The following WDR20 variants were observed in gnomAD, a reference collection of about 807,000 sequenced individuals.
WDR20 encodes WD repeat-containing protein 20.
WDR20 carries 3 observed loss-of-function variants against 38.7 expected under a neutral mutation model. The observed-to-expected ratio is 0.08, with a 90% CI of 0.04 to 0.20. The LOEUF is 0.20. Ranked by LOEUF, WDR20 falls within the 10% of genes least tolerant of loss-of-function variation. The probability of loss-of-function intolerance (pLI) is 1.00; values close to 1 mark genes in which losing one functional copy is unlikely to be tolerated. For missense variants in WDR20, 559 were observed against 727.7 expected (o/e 0.77, Z 2.67); for synonymous variants, 298 against 285.6 (o/e 1.04, Z -0.44).
intron 2 of WDR20, chr14:102,197,842 G>A (rs2059663198): frequency 5.7e-6 from 4 of 702,396 alleles, no homozygotes; most frequent in African/African-American, 3.5e-5. Flanking sequence ...TCTAGTAACT[G>A]TCCAGGTGAG....
intron 1 of WDR20, among the ~76,000 whole-genome samples, chr14:102,156,317 A>G (rs2057371071): frequency 6.7e-6 from 1 of 149,992 alleles, no homozygotes. Context: ...ACAGGCACCC[A>G]CCCCCACGTC....
At chr14:102,197,397 G>A (rs2059591403) in intron 2 of WDR20, among the ~76,000 whole-genome samples, 1 of 152,198 alleles carries the variant, frequency 6.6e-6, no homozygotes, top group African/African-American at 2.4e-5. Context: ...TCTTTAGTAT[G>A]CATTTTAAAG....
At chr14:102,147,719 T>C (rs774193168) in intron 1 of WDR20, among the ~76,000 whole-genome samples, 4 of 152,164 alleles carry the variant, frequency 2.6e-5, no homozygotes, top group Non-Finnish European at 4.4e-5. Flanking sequence ...AACCTTGTTT[T>C]ATTTTATTTT....
At chr14:102,205,276 A>T (rs933361341) in intron 2 of WDR20, among the ~76,000 whole-genome samples, 1 of 150,582 alleles carries the variant, frequency 6.6e-6, no homozygotes, top group African/African-American at 2.5e-5. Flanking sequence ...AAAAAAAAAG[A>T]TATGGAATGA....
chr14:102,192,820 T>C (rs376035232), intron 1 of WDR20, among the ~76,000 whole-genome samples: 51 of 152,284 alleles, frequency 3.3e-4, no homozygotes, highest in African/African-American at 1.2e-3. Context: ...CCTAAGTGGT[T>C]GTTGCTGTCA....
At chr14:102,181,252 A>G (rs2063312737) in intron 1 of WDR20, among the ~76,000 whole-genome samples, 1 of 152,154 alleles carries the variant, frequency 6.6e-6, no homozygotes, top group African/African-American at 2.4e-5. Context: ...TCTGTCTGGT[A>G]GTTACTGTCT....
At chr14:102,197,109 C>T (rs1157361020) in intron 2 of WDR20, among the ~76,000 whole-genome samples, 1 of 152,126 alleles carries the variant, frequency 6.6e-6, no homozygotes, top group African/African-American at 2.4e-5. Flanking sequence ...CCTATGGCCT[C>T]TACAGGGAGG....
chr14:102,148,037 C>A (rs1447027861), intron 1 of WDR20, among the ~76,000 whole-genome samples: 2 of 152,104 alleles, frequency 1.3e-5, no homozygotes, highest in East Asian at 3.8e-4. Flanking sequence ...GGCCAAGAAC[C>A]TTGTTTTAAA....
intron 1 of WDR20, among the ~76,000 whole-genome samples, chr14:102,162,530 A>G (rs2058956481): frequency 6.6e-6 from 1 of 152,176 alleles, no homozygotes. Context: ...ATAGTCCTCC[A>G]ACAAGGACTC....
downstream of WDR20, chr14:102,213,048 G>A (rs1418873183): frequency 2.0e-6 from 2 of 990,072 alleles, no homozygotes; most frequent in Non-Finnish European, 2.4e-6. Context: ...CTGGTCCCTG[G>A]GCGGTGTCAG....
Position 102,210,435 on chromosome 14 carries a change from A to G in WDR20, c.*555A>G. 10 of 985,418 alleles carry G rather than the reference A, an allele frequency of 1.0e-5. No individual in the cohort carries two copies. Among genetic ancestry groups the G allele is most frequent in the Non-Finnish European group, 1.2e-5 (10 of 829,910 alleles). The allele number at this position is 985,418 out of a possible 1,614,324, so 61.0% of individuals were successfully genotyped here. ...ATATTATTTTTACATTGTTCTGGCA[A>G]TCCACAGAAAGAGAAGAGCCTTAAT... On this transcript the variant is annotated 3_prime_UTR_variant, in exon 3 of 3. Transcript: ENST00000342702.
chr14:102,207,610 T>A lies in WDR20; in HGVS notation c.433-993T>A, dbSNP rs920316067. Among the ~76,000 whole-genome samples the A allele has an allele frequency of 2.6e-5, 4 of 152,184 alleles. No homozygotes were observed. The highest frequency in any genetic ancestry group is 5.9e-5 in the Non-Finnish European group (4 of 68,046). ...GAGAGCACTTGGCAGTAGGAGCTTC[T>A]AGGTAGAACTTGGGAGTCTTGGGAC... is the stretch of plus-strand genomic sequence containing the variant. On this transcript the variant is annotated intron_variant, in intron 2 of 2. Coordinates refer to ENST00000342702, the MANE Select transcript of WDR20 (RefSeq NM_144574.4). This position sits in a 1 kb window ranked among gnomAD's most constrained non-coding sequence, Gnocchi z 5.0.
chr14:102,210,975 G>T (rs934753955), downstream of WDR20, among the ~76,000 whole-genome samples: 3 of 152,154 alleles, frequency 2.0e-5, no homozygotes, highest in Non-Finnish European at 4.4e-5. Flanking sequence ...ATGTGCGTAG[G>T]CTTCGTCCTC....
chr14:102,224,447 T>C, downstream of WDR20: 1 of 391,370 alleles, frequency 2.6e-6, no homozygotes, highest in Non-Finnish European at 5.0e-6. Flanking sequence ...AATGTGCAGC[T>C]ACCAAGCAGA....
intron 1 of WDR20, among the ~76,000 whole-genome samples, chr14:102,179,426 G>GT (rs2062879893): frequency 8.2e-6 from 1 of 121,644 alleles, no homozygotes; most frequent in South Asian, 2.8e-4. Flanking sequence ...TTTTTTTAAA[G>GT]TATTTTTTTT....
At chr14:102,157,754 CCTT>C (rs2057753030) in intron 1 of WDR20, among the ~76,000 whole-genome samples, 2 of 152,082 alleles carry the variant, frequency 1.3e-5, no homozygotes, top group South Asian at 2.1e-4. Flanking sequence ...GCTGCTGGCT[CCTT>C]CTGGGAGTGT....
downstream of WDR20, among the ~76,000 whole-genome samples, chr14:102,218,380 C>T (rs1422266307): frequency 6.6e-6 from 1 of 152,192 alleles, no homozygotes; most frequent in African/African-American, 2.4e-5. Flanking sequence ...CCTCCCAGAA[C>T]CCAGAGCTAG....
chr14:102,200,469 G>GT (rs1281198829), intron 2 of WDR20, among the ~76,000 whole-genome samples: 1 of 53,354 alleles, frequency 1.9e-5, no homozygotes, highest in Admixed American at 1.7e-4. Flanking sequence ...TTTTTTTTTT[G>GT]TGTGTGTGTG....
At chr14:102,224,358 A>C (rs1597199851), downstream of WDR20, 1 of 345,748 alleles carries the variant, frequency 2.9e-6, no homozygotes, top group East Asian at 7.8e-5. Flanking sequence ...GATTTTTCTT[A>C]CTTGGTTGAA....
Sources: gnomAD v4.1 joint callset for allele counts (sites outside exome capture counted in the v4.1 genomes callset) on GRCh38, gnomAD v4.1.1 for gene constraint, Gnocchi (gnomAD v3.1) non-coding constraint, MANE v1.5 for transcripts, NCBI Gene and HGNC (gene_info 2026-07-23, HGNC 2026-07-21) for gene names.